The following POR variants were observed in gnomAD, a reference collection of about 807,000 sequenced individuals.
POR encodes the protein NADPH--cytochrome P450 reductase.
Under a neutral mutation model 84.0 loss-of-function variants are expected in POR, and 56 were observed. The ratio of observed to expected loss-of-function variants is 0.67; its 90% CI spans 0.54 to 0.83. The LOEUF is 0.83. Among genes scored for constraint, POR ranks in the 40% least tolerant of loss-of-function variants. The pLI is 0.00. For synonymous variants in POR, 414 were observed against 400.5 expected, an observed-to-expected ratio of 1.03 and a Z score of -0.40; for missense variants, 938 against 944.3, an observed-to-expected ratio of 0.99 and a Z score of 0.09.
intron 1 of POR, chr7:75,921,111 A>G (rs1281778457): frequency 6.6e-6 from 1 of 152,284 alleles, no homozygotes; most frequent in Non-Finnish European, 1.5e-5. Context: ...CTCCCAGCCC[A>G]TCTACCCGAA....
chr7:75,956,188 A>G (rs137932601), intron 2 of POR, among the ~76,000 whole-genome samples: 4 of 152,316 alleles, frequency 2.6e-5, no homozygotes, highest in Admixed American at 2.6e-4. Context: ...AATTTCAGCT[A>G]CTAGGGAAGC....
chr7:75,981,128 C>A lies in POR; in HGVS notation c.597C>A (p.Gly199=), dbSNP rs1489904713. ...TGGACAAGCGGCTGGAGCAGCTCGG[C>A]GCCCAGCGCATCTTTGAGCTGGGGT... Residue 199 remains glycine (G), a synonymous_variant, in exon 6 of 16, where the codon GGC becomes GGA. Coordinates refer to ENST00000461988, the MANE Select transcript of POR (RefSeq NM_000941.3). 2.6e-6 allele frequency: 4 copies of A among 1,557,438 alleles called. No homozygotes were observed. The highest frequency in any genetic ancestry group is 3.5e-6 in the Non-Finnish European group (4 of 1,151,606).
At position 75,985,122 on chromosome 7, in the gene POR, C is replaced by G; in HGVS notation, c.1313C>G (p.Pro438Arg). Residue 438 changes from proline (P) to arginine (R), a missense_variant, in exon 12 of 16, where the codon CCG (proline) becomes CGG (arginine). Coordinates refer to ENST00000461988, the MANE Select transcript of POR (RefSeq NM_000941.3). Reference sequence around the variant, plus strand: ...ATCCTGGCCATCCTGCAGGACTGCCCGTCCCTGCGGCCCCCCATCGACCAC... The same window carrying G: ...ATCCTGGCCATCCTGCAGGACTGCCGGTCCCTGCGGCCCCCCATCGACCAC... The G allele has an allele frequency of 6.2e-7, 1 of 1,600,112 alleles. No homozygotes were observed. The highest frequency in any genetic ancestry group is 8.5e-7 in the Non-Finnish European group (1 of 1,179,588).
chr7:75,923,274 G>C, intron 1 of POR: 1 of 1,233,152 alleles, frequency 8.1e-7, no homozygotes, highest in Non-Finnish European at 1.2e-6. Context: ...CCTCATTCAT[G>C]AAATTGCCTT....
At chr7:75,950,445 G>A (rs1293063310) in intron 1 of POR, among the ~76,000 whole-genome samples, 5 of 152,202 alleles carry the variant, frequency 3.3e-5, no homozygotes, top group South Asian at 2.1e-4. Flanking sequence ...CAGGGAGCGC[G>A]AGTTTCTTGG....
At chr7:75,942,953 C>CT (rs1236331124) in intron 1 of POR, among the ~76,000 whole-genome samples, 10,591 of 140,728 alleles carry the variant, frequency 0.075, 1,248 homozygotes, top group African/African-American at 0.25. Flanking sequence ...TTTTCTTTTT[C>CT]TTTTTTTTTT....
At chr7:75,921,808 G>A (rs187753436) in intron 1 of POR, among the ~76,000 whole-genome samples, 35 of 152,180 alleles carry the variant, frequency 2.3e-4, no homozygotes, top group South Asian at 4.1e-4. Context: ...TCAGGTTCAA[G>A]TGATTCTCCT....
At chr7:75,928,656 A>T (rs568807426) in intron 1 of POR, among the ~76,000 whole-genome samples, 4 of 152,184 alleles carry the variant, frequency 2.6e-5, no homozygotes, top group Non-Finnish European at 5.9e-5. Flanking sequence ...CCCTGCCCAC[A>T]CTAGACGTTG....
chr7:75,931,337 T>TTTTTTTTA (rs1554550109), intron 1 of POR, among the ~76,000 whole-genome samples: 5 of 142,786 alleles, frequency 3.5e-5, no homozygotes, highest in African/African-American at 1.0e-4. Context: ...TATTGTGTGA[T>TTTTTTTTA]TTTATTTATT....
rs782677940 is a variant in POR, at chr7:75,981,542, C to T, written c.667C>T (p.Arg223Ter). Residue 223 changes from arginine (R) to a stop codon, truncating the protein, a stop_gained, in exon 7 of 16, where the codon CGA becomes TGA. Coordinates refer to ENST00000461988, the MANE Select transcript of POR (RefSeq NM_000941.3). LOFTEE classifies it high-confidence loss of function. Reference sequence around the variant, plus strand: ...CTTGGAGGAGGACTTCATCACCTGGCGAGAGCAGTTCTGGCCGGCCGTGTG... The same window carrying T: ...CTTGGAGGAGGACTTCATCACCTGGTGAGAGCAGTTCTGGCCGGCCGTGTG... The T allele has an allele frequency of 1.9e-5, 31 of 1,612,776 alleles. No individual in the cohort carries two copies. Among genetic ancestry groups the T allele is most frequent in the Non-Finnish European group, 2.5e-5 (30 of 1,179,688 alleles).
intron 12 of POR, 88 bp downstream of exon 12, chr7:75,985,295 G>A (rs879995370): frequency 2.4e-5 from 34 of 1,426,638 alleles, no homozygotes; most frequent in Non-Finnish European, 2.7e-5. Flanking sequence ...CAGGAGCTCC[G>A]AGATCTGAGC....
intron 6 of POR, 104 bp from the exon 7 acceptor site, chr7:75,981,413 C>T: frequency 1.5e-6 from 2 of 1,298,488 alleles, no homozygotes; most frequent in Non-Finnish European, 2.2e-6. Context: ...GGTGCACAGT[C>T]CTGAGCTTTG....
At position 75,984,928 on chromosome 7, in the gene POR, C is replaced by G. The variant is rs782809672; in HGVS notation, c.1218C>G (p.Arg406=). Residue 406 remains arginine (R), a synonymous_variant, in exon 11 of 16, where the codon CGC becomes CGG. Coordinates refer to ENST00000461988, the MANE Select transcript of POR (RefSeq NM_000941.3). ...AGCCCTCGGAGCAGGAGCTGCTGCGCAAGATGGCCTCCTCCTCCGGCGAGG... is the reference window on the plus strand; with the variant it reads ...AGCCCTCGGAGCAGGAGCTGCTGCGGAAGATGGCCTCCTCCTCCGGCGAGG... 3.1e-6 allele frequency: 5 copies of G among 1,602,366 alleles called. No homozygotes were observed. Among genetic ancestry groups the G allele is most frequent in the Non-Finnish European group, 4.3e-6 (5 of 1,172,018 alleles).
intron 6 of POR, 136 bp from the exon 7 acceptor site, chr7:75,981,381 T>C: frequency 8.4e-7 from 1 of 1,195,302 alleles, no homozygotes; most frequent in Non-Finnish European, 1.2e-6. Context: ...ATGCTCTGGG[T>C]TTATGTCGCT....
At chr7:75,917,380 C>CTTTTTTTTTTTTTT (rs199962786) in intron 1 of POR, among the ~76,000 whole-genome samples, 4 of 125,974 alleles carry the variant, frequency 3.2e-5, no homozygotes, top group African/African-American at 4.0e-5. Context: ...CTTATTTCTT[C>CTTTTTTTTTTTTTT]TTCTTTTTTT....
intron 2 of POR, among the ~76,000 whole-genome samples, chr7:75,971,519 G>A (rs190576980): frequency 4.6e-5 from 7 of 152,112 alleles, no homozygotes; most frequent in Non-Finnish European, 8.8e-5. Context: ...GGGGTGGTGC[G>A]GGGGTAGAAG....
intron 1 of POR, among the ~76,000 whole-genome samples, chr7:75,924,812 G>A (rs373622970): frequency 5.3e-5 from 8 of 152,126 alleles, no homozygotes; most frequent in East Asian, 1.9e-4. Flanking sequence ...GAGTGTCTGC[G>A]CTGGGTGTTT....
chr7:75,958,622 A>G (rs1787789667), intron 2 of POR, among the ~76,000 whole-genome samples: 1 of 152,116 alleles, frequency 6.6e-6, no homozygotes, highest in African/African-American at 2.4e-5. Flanking sequence ...TGTTTTCTCT[A>G]CTTTGCCATG....
At chr7:75,976,843 T>G (rs1247711055) in intron 3 of POR, among the ~76,000 whole-genome samples, 1 of 150,966 alleles carries the variant, frequency 6.6e-6, no homozygotes. Context: ...AATCCCTAAG[T>G]TTTTTTTGGT....
Sources: gnomAD v4.1 joint callset for allele counts (sites outside exome capture counted in the v4.1 genomes callset) on GRCh38, gnomAD v4.1.1 for gene constraint, MANE v1.5 for transcripts, NCBI Gene and HGNC (gene_info 2026-07-23, HGNC 2026-07-21) for gene names.